LRMDA: variants seen among roughly 807,000 people sequenced by gnomAD.
LRMDA encodes leucine rich melanocyte differentiation associated, also known as leucine-rich melanocyte differentiation-associated protein.
Under a neutral mutation model 29.8 loss-of-function variants are expected in LRMDA, and 18 were observed. The observed-to-expected ratio is 0.60, with a 90% CI of 0.42 to 0.90. The LOEUF (loss-of-function observed/expected upper bound fraction) is 0.90. Ranked by LOEUF, LRMDA falls within the 40% of genes least tolerant of loss-of-function variation. LRMDA has a pLI of 0.00. For missense variants in LRMDA, 273 were observed against 273.9 expected, an observed-to-expected ratio of 1.00 and a Z score of 0.02; for synonymous variants, 125 against 109.4, an observed-to-expected ratio of 1.14 and a Z score of -0.89.
chr10:75,608,599 C>T (rs1840989737), intron 2 of LRMDA, among the ~76,000 whole-genome samples: 1 of 151,938 alleles, frequency 6.6e-6, no homozygotes, highest in East Asian at 1.9e-4. Flanking sequence ...TGTTGTATAC[C>T]TTAAATATAT....
intron 5 of LRMDA, among the ~76,000 whole-genome samples, chr10:76,086,628 A>G (rs981885188): frequency 3.9e-5 from 6 of 152,206 alleles, no homozygotes; most frequent in African/African-American, 1.4e-4. Flanking sequence ...CCACACAGCT[A>G]AATACTCATG....
intron 5 of LRMDA, among the ~76,000 whole-genome samples, chr10:76,279,362 C>G (rs535964541): frequency 6.6e-6 from 1 of 152,014 alleles, no homozygotes; most frequent in Non-Finnish European, 1.5e-5. Context: ...AAAATGTTAT[C>G]TGTTATCATC....
intron 2 of LRMDA, among the ~76,000 whole-genome samples, chr10:75,533,333 A>G (rs1196429830): frequency 6.6e-6 from 1 of 152,214 alleles, no homozygotes; most frequent in Non-Finnish European, 1.5e-5. Flanking sequence ...GAAAACCTAT[A>G]TACAAATGAA....
intron 2 of LRMDA, among the ~76,000 whole-genome samples, chr10:75,777,103 G>A (rs1434337513): frequency 1.3e-5 from 2 of 152,250 alleles, no homozygotes; most frequent in Non-Finnish European, 2.9e-5. Context: ...CAGGGCCAAG[G>A]CTGGGGGAGA....
chr10:76,032,446 G>A (rs1171528756), intron 2 of LRMDA, among the ~76,000 whole-genome samples: 3 of 152,244 alleles, frequency 2.0e-5, no homozygotes, highest in Admixed American at 6.5e-5. Context: ...TTATCTTAAC[G>A]AGGATAGGGT....
At chr10:76,281,672 A>G (rs1462630347) in intron 5 of LRMDA, among the ~76,000 whole-genome samples, 1 of 152,040 alleles carries the variant, frequency 6.6e-6, no homozygotes, top group Admixed American at 6.6e-5. Flanking sequence ...ATGTAGATCT[A>G]TTTTATATGC....
chr10:75,715,694 T>C (rs546727011), intron 2 of LRMDA, among the ~76,000 whole-genome samples: 81 of 152,300 alleles, frequency 5.3e-4, no homozygotes, highest in African/African-American at 1.9e-3. Flanking sequence ...AATATAGCTG[T>C]GAGGAACTTT....
rs1446862280 is a variant in LRMDA, at chr10:76,376,002, G to GT, written c.601+51517_601+51518insT. ...AGATGGAAACGTGTCATAGTTTTTG[G>GT]GTTTTTTTTAATAGACATGAGGGTA... On this transcript the variant is annotated intron_variant, in intron 6 of 6. Transcript: ENST00000611255. Among the ~76,000 whole-genome samples, 38 of 151,066 alleles carry GT rather than the reference G, an allele frequency of 2.5e-4. No individual in the cohort carries two copies. The East Asian group carries it at 6.6e-3, about 26-fold the overall frequency.
At chr10:75,812,451 C>T (rs887597995) in intron 2 of LRMDA, among the ~76,000 whole-genome samples, 2 of 152,128 alleles carry the variant, frequency 1.3e-5, no homozygotes, top group African/African-American at 4.8e-5. Context: ...TCTGCTCTTT[C>T]GACCATAAGT....
intron 6 of LRMDA, among the ~76,000 whole-genome samples, chr10:76,530,086 C>T (rs1248343988): frequency 6.6e-6 from 1 of 152,122 alleles, no homozygotes; most frequent in Non-Finnish European, 1.5e-5. Flanking sequence ...ATGAGGAGAT[C>T]TTCATTTGGC....
At chr10:75,835,056 T>C (rs958497571) in intron 2 of LRMDA, among the ~76,000 whole-genome samples, 1 of 152,254 alleles carries the variant, frequency 6.6e-6, no homozygotes, top group Non-Finnish European at 1.5e-5. Context: ...GTAAAATCTG[T>C]ATTCGTTTTC....
intron 6 of LRMDA, among the ~76,000 whole-genome samples, chr10:76,389,964 A>G (rs577394761): frequency 6.6e-6 from 1 of 152,152 alleles, no homozygotes; most frequent in Non-Finnish European, 1.5e-5. Context: ...CCTATAGATA[A>G]ATCTTTGAGA....
At chr10:75,928,724 T>C (rs2132398084) in intron 2 of LRMDA, among the ~76,000 whole-genome samples, 2 of 152,286 alleles carry the variant, frequency 1.3e-5, no homozygotes, top group South Asian at 4.1e-4. Context: ...TTAGGTCCTT[T>C]CCTGACACAA....
intron 6 of LRMDA, among the ~76,000 whole-genome samples, chr10:76,339,568 T>A (rs1841011807): frequency 6.6e-6 from 1 of 151,944 alleles, no homozygotes; most frequent in African/African-American, 2.4e-5. Context: ...ATGGAAGGAC[T>A]TAATAAAATA....
chr10:75,720,434 T>A (rs911726056), intron 2 of LRMDA, among the ~76,000 whole-genome samples: 1 of 152,206 alleles, frequency 6.6e-6, no homozygotes, highest in Non-Finnish European at 1.5e-5. Flanking sequence ...TCTCTCCAGT[T>A]CTAAAATTAT....
intron 5 of LRMDA, among the ~76,000 whole-genome samples, chr10:76,143,232 G>A (rs558409438): frequency 6.6e-6 from 1 of 152,156 alleles, no homozygotes; most frequent in African/African-American, 2.4e-5. Context: ...GGGTCAAATG[G>A]CATTTCTAGT....
At chr10:75,792,786 A>G (rs1158749642) in intron 2 of LRMDA, among the ~76,000 whole-genome samples, 1 of 152,180 alleles carries the variant, frequency 6.6e-6, no homozygotes, top group African/African-American at 2.4e-5. Context: ...AAATAGTAAT[A>G]ATATCTGCTT....
At chr10:75,661,313 G>A (rs767344045) in intron 2 of LRMDA, among the ~76,000 whole-genome samples, 2 of 152,230 alleles carry the variant, frequency 1.3e-5, no homozygotes, top group Non-Finnish European at 1.5e-5. Flanking sequence ...GAACTTCTCA[G>A]AGAAGATACT....
intron 2 of LRMDA, among the ~76,000 whole-genome samples, chr10:75,575,966 GTTTT>G (rs796940224): frequency 7.1e-6 from 1 of 141,612 alleles, no homozygotes; most frequent in Non-Finnish European, 1.5e-5. Flanking sequence ...AGCCACAGGA[GTTTT>G]TTTTTTTTTT....
Sources: gnomAD v4.1 joint callset for allele counts (sites outside exome capture counted in the v4.1 genomes callset) on GRCh38, gnomAD v4.1.1 for gene constraint, MANE v1.5 for transcripts, NCBI Gene and HGNC (gene_info 2026-07-23, HGNC 2026-07-21) for gene names.